The following RRM2B variants were observed in gnomAD, a reference collection of about 807,000 sequenced individuals.
The protein encoded by RRM2B is ribonucleotide reductase regulatory TP53 inducible subunit M2B, also known as ribonucleoside-diphosphate reductase subunit M2 B.
RRM2B carries 20 observed loss-of-function variants against 45.9 expected under a neutral mutation model. That is an observed-to-expected ratio of 0.44 (90% CI 0.31 to 0.63). The LOEUF is 0.63. Ranked by LOEUF, RRM2B falls within the 30% of genes least tolerant of loss-of-function variation. The pLI is 0.09. For missense variants in RRM2B, 320 were observed against 414.7 expected, an observed-to-expected ratio of 0.77 and a Z score of 1.98; for synonymous variants, 124 against 132.3, an observed-to-expected ratio of 0.94 and a Z score of 0.43.
chr8:102,205,460 G>C lies in RRM2B; in HGVS notation c.*2673C>G, dbSNP rs1483878279. 6.6e-6 allele frequency: 1 copy of C among 152,100 alleles called. No individual in the cohort carries two copies. Among genetic ancestry groups the C allele is most frequent in the Non-Finnish European group, 1.5e-5 (1 of 67,962 alleles). The allele number at this position is 152,100 out of a possible 1,614,324, so 9.4% of individuals were successfully genotyped here. A position where few individuals can be genotyped will look rare whatever the true frequency, so the allele number is the denominator to read the frequency against. On this transcript the variant is annotated 3_prime_UTR_variant, in exon 9 of 9. Coordinates refer to ENST00000251810, the MANE Select transcript of RRM2B (RefSeq NM_015713.5). The stretch of plus-strand genomic sequence containing the variant: ...AGACAAGGCTGGGGCCAGCTTAGTT[G>C]TAAGAAAAACTATTATTGTATATAA...
intron 1 of RRM2B, among the ~76,000 whole-genome samples, chr8:102,234,494 C>G (rs966758955): frequency 3.3e-5 from 5 of 152,080 alleles, no homozygotes; most frequent in African/African-American, 1.2e-4. Context: ...TCTAGGCTCT[C>G]CACAGTACCC....
At chr8:102,228,087 A>G (rs1161147280) in intron 2 of RRM2B, among the ~76,000 whole-genome samples, 1 of 152,110 alleles carries the variant, frequency 6.6e-6, no homozygotes, top group African/African-American at 2.4e-5. Flanking sequence ...GCCCTTTCCA[A>G]AACCACCCAT....
chr8:102,224,860 T>C (rs751298470), intron 4 of RRM2B, 25 bp downstream of exon 4: 3 of 1,609,762 alleles, frequency 1.9e-6, no homozygotes, highest in Non-Finnish European at 2.6e-6. Context: ...TAAGCAATAT[T>C]TTGTAAATAA....
chr8:102,215,614 A>C (rs147332948), intron 6 of RRM2B, among the ~76,000 whole-genome samples: 411 of 152,272 alleles, frequency 2.7e-3, no homozygotes, highest in Non-Finnish European at 4.5e-3. Flanking sequence ...GCGGGCACAG[A>C]GGTCAAGTAC....
intron 4 of RRM2B, among the ~76,000 whole-genome samples, chr8:102,224,364 C>T (rs1460597705): frequency 2.6e-5 from 4 of 152,064 alleles, no homozygotes; most frequent in South Asian, 2.1e-4. Context: ...TTAGTAGAGA[C>T]GTGGTTTCAC....
At chr8:102,223,923 T>G in intron 5 of RRM2B, 123 bp downstream of exon 5, 19 of 764,518 alleles carry the variant, frequency 2.5e-5, no homozygotes, top group Middle Eastern at 2.7e-4. Context: ...TAAAGGTGCA[T>G]TTGAGACATT....
intron 5 of RRM2B, among the ~76,000 whole-genome samples, chr8:102,221,207 C>A (rs2132551710): frequency 6.6e-6 from 1 of 152,254 alleles, no homozygotes; most frequent in East Asian, 1.9e-4. Context: ...CTCCTTATAA[C>A]ATAAACTTCC....
At chr8:102,238,533 C>A (rs553951027) in intron 1 of RRM2B, 2 of 1,472,870 alleles carry the variant, frequency 1.4e-6, no homozygotes, top group East Asian at 2.7e-5. Context: ...GAGCGTGAGG[C>A]GGATAAACGC....
chr8:102,208,746 T>C (rs983157248), intron 8 of RRM2B, among the ~76,000 whole-genome samples: 2 of 152,184 alleles, frequency 1.3e-5, no homozygotes, highest in African/African-American at 4.8e-5. Context: ...AAATTGTCAT[T>C]AAGGGAACAT....
Position 102,214,079 on chromosome 8 carries a change from A to G in RRM2B, c.764T>C (p.Ile255Thr), listed in dbSNP as rs1810683110. 6.2e-7 allele frequency: 1 copy of G among 1,613,176 alleles called. No homozygotes were observed. Among genetic ancestry groups the G allele is most frequent in the Admixed American group, 1.7e-5 (1 of 59,978 alleles). Residue 255 changes from isoleucine to threonine, a missense_variant, in exon 7 of 9, where the codon ATT (isoleucine) becomes ACT (threonine). Ile to Thr is a moderately conservative substitution (Grantham distance 89). Transcript: ENST00000251810. ...CTGCTCAATTTTGACAGCATCAACA[A>G]TGATCTCCCTGACCCTTTCTTCTGA... ...KPSEERVREI[I>T]VDAVKIEQEF...
Position 102,224,050 on chromosome 8 carries a change from A to T in RRM2B, c.546T>A (p.Thr182=). The change falls in exon 5 of 9, where the codon ACT becomes ACA. Residue 182 remains threonine, a synonymous_variant. Coordinates refer to ENST00000251810, the MANE Select transcript of RRM2B (RefSeq NM_015713.5). Reference sequence around the variant, plus strand: ...ACATAAATTAGAGCCACATACCAAAAGTAGATTTTCTATCTGCTATCCATC... The same window carrying T: ...ACATAAATTAGAGCCACATACCAAATGTAGATTTTCTATCTGCTATCCATC... ...ALRWIADRKS[T]FGERVVAFAA... 6.2e-7 allele frequency: 1 copy of T among 1,609,722 alleles called. No individual in the cohort carries two copies. Among genetic ancestry groups the T allele is most frequent in the Non-Finnish European group, 8.5e-7 (1 of 1,176,054 alleles).
intron 6 of RRM2B, among the ~76,000 whole-genome samples, chr8:102,218,121 A>T (rs889895702): frequency 2.6e-5 from 4 of 152,240 alleles, no homozygotes; most frequent in Non-Finnish European, 5.9e-5. Flanking sequence ...ATGCACTAGC[A>T]TACATGGGTT....
chr8:102,224,037 G>T lies in RRM2B; in HGVS notation c.550+9C>A. The T allele has an allele frequency of 6.3e-7, 1 of 1,591,026 alleles. No individual in the cohort carries two copies. Among genetic ancestry groups the T allele is most frequent in the Non-Finnish European group, 8.6e-7 (1 of 1,159,342 alleles). ...CAAATCTGATCATACATAAATTAGA[G>T]CCACATACCAAAAGTAGATTTTCTA... is the stretch of plus-strand genomic sequence containing the variant. On this transcript the variant is annotated intron_variant, in intron 5 of 8. Transcript: ENST00000251810.
chr8:102,208,574 T>C (rs962970571), intron 8 of RRM2B, among the ~76,000 whole-genome samples: 1 of 152,132 alleles, frequency 6.6e-6, no homozygotes, highest in Non-Finnish European at 1.5e-5. Flanking sequence ...TACTAACCAA[T>C]AGAAAATGTT....
chr8:102,215,852 G>C lies in RRM2B; in HGVS notation c.685-1694C>G, dbSNP rs147893126. 1.9e-3 allele frequency among the ~76,000 whole-genome samples: 294 copies of C among 151,170 alleles called. 4 individuals are homozygous for C. The highest frequency in any genetic ancestry group is 6.5e-3 in the African/African-American group (266 of 41,122). On this transcript the variant is annotated intron_variant, in intron 6 of 8. Transcript: ENST00000251810. ...CCAGCTACTTAAGGAGGCTGAGGTG[G>C]GAGGACTGCTTGAGCCCAGGAGGTC...
rs962303933 is a variant in RRM2B at position 102,205,421 on chromosome 8, A to C, written c.*2712T>G. The C allele has an allele frequency of 5.3e-5, 8 of 152,202 alleles. No homozygotes were observed. The highest frequency in any genetic ancestry group is 1.2e-4 in the Non-Finnish European group (8 of 67,994). The allele number at this position is 152,202 out of a possible 1,614,324, so 9.4% of individuals were successfully genotyped here. On this transcript the variant is annotated 3_prime_UTR_variant, in exon 9 of 9. Transcript: ENST00000251810. ...ACAATGAGACAATTATAAAAATTTC[A>C]TGTATTAATATCAAGACAAGGCTGG... is the stretch of plus-strand genomic sequence containing the variant.
intron 7 of RRM2B, among the ~76,000 whole-genome samples, chr8:102,213,317 C>T (rs1381254326): frequency 6.6e-6 from 1 of 151,918 alleles, no homozygotes. Flanking sequence ...AAAAAAGAAA[C>T]AAACAGATTT....
intron 8 of RRM2B, among the ~76,000 whole-genome samples, chr8:102,210,470 T>G (rs1185988137): frequency 2.0e-5 from 3 of 148,090 alleles, no homozygotes; most frequent in Non-Finnish European, 4.5e-5. Flanking sequence ...TTTTGGTGGG[T>G]TTTTTTTTTG....
At chr8:102,219,409 T>C (rs1353474133) in intron 5 of RRM2B, among the ~76,000 whole-genome samples, 1 of 152,196 alleles carries the variant, frequency 6.6e-6, no homozygotes. Flanking sequence ...ACAGACCATC[T>C]GCAAACATTT....
Sources: gnomAD v4.1 joint callset for allele counts (sites outside exome capture counted in the v4.1 genomes callset) on GRCh38, gnomAD v4.1.1 for gene constraint, MANE v1.5 for transcripts, NCBI Gene and HGNC (gene_info 2026-07-23, HGNC 2026-07-21) for gene names.